PRPF8: variants seen among roughly 807,000 people sequenced by gnomAD.
PRPF8 encodes the protein pre-mRNA-processing-splicing factor 8.
In PRPF8, 64 loss-of-function variants were observed where a neutral mutation model predicts 285.9. That is an observed-to-expected ratio of 0.22 (90% CI 0.18 to 0.28). PRPF8 has a LOEUF of 0.28. PRPF8 is among the 10% of genes least tolerant of loss of function. The pLI, the probability that PRPF8 is intolerant of heterozygous loss-of-function variation, is 1.00. For synonymous variants in PRPF8, 1,325 were observed against 1,118.2 expected, an observed-to-expected ratio of 1.18 and a Z score of -3.69; for missense variants, 1,426 against 3,026.7, an observed-to-expected ratio of 0.47 and a Z score of 12.41.
chr17:1,659,645 T>A lies in PRPF8; in HGVS notation c.4947-97A>T, dbSNP rs1400111707. ...TAAATCCCAAAACCATCCCACCCAC[T>A]CCACCAACTTGTTCCAGGTCAGCAG... On this transcript the variant is annotated intron_variant, in intron 31 of 42. Transcript: ENST00000304992. This position sits in a 1 kb window ranked among gnomAD's most constrained non-coding sequence, Gnocchi z 5.1. 3.4e-6 allele frequency: 5 copies of A among 1,473,944 alleles called. No homozygotes were observed. Among genetic ancestry groups the A allele is most frequent in the Non-Finnish European group, 4.7e-6 (5 of 1,067,700 alleles). The allele number at this position is 1,473,944 out of a possible 1,614,324, so 91.3% of individuals were successfully genotyped here. A position where few individuals can be genotyped will look rare whatever the true frequency, so the allele number is the denominator to read the frequency against.
chr17:1,676,416 G>A lies in PRPF8; in HGVS notation c.2389-46C>T. 6.2e-7 allele frequency: 1 copy of A among 1,613,934 alleles called. No homozygotes were observed. Among genetic ancestry groups the A allele is most frequent in the Non-Finnish European group, 8.5e-7 (1 of 1,179,984 alleles). ...TAGCCTCCCGCTACAGCCCGATCCT[G>A]CCAGAACAAGGTTCAGTCACAACTC... On this transcript the variant is annotated intron_variant, in intron 16 of 42. Transcript: ENST00000304992. The surrounding 1 kb of genome is among the most constrained non-coding windows in gnomAD (Gnocchi z 6.3).
At chr17:1,668,876 C>A (rs950637041) in intron 24 of PRPF8, among the ~76,000 whole-genome samples, 1 of 152,270 alleles carries the variant, frequency 6.6e-6, no homozygotes. Context: ...CTCTCAGTTT[C>A]TTCAGCAATC....
chr17:1,664,657 A>C (rs1029524466), intron 24 of PRPF8, among the ~76,000 whole-genome samples: 1 of 151,406 alleles, frequency 6.6e-6, no homozygotes, highest in African/African-American at 2.4e-5. Flanking sequence ...TTAATTATTA[A>C]AAAAAAAATC....
chr17:1,655,477 G>A lies in PRPF8; in HGVS notation c.5860C>T (p.Leu1954=). The A allele has an allele frequency of 6.2e-7, 1 of 1,614,124 alleles. No individual in the cohort carries two copies. The highest frequency in any genetic ancestry group is 8.5e-7 in the Non-Finnish European group (1 of 1,180,004). Residue 1954 remains leucine (L), a synonymous_variant, in exon 37 of 43, where the codon CTG becomes TTG. Coordinates refer to ENST00000304992, the MANE Select transcript of PRPF8 (RefSeq NM_006445.4). ...HVNNDRAKVI[L]KPDKTTITEP... ...GTAATAGTAGTCTTGTCTGGCTTCA[G>A]GATCACTTTTGCCCGATCGTTGTTC...
Position 1,660,794 on chromosome 17 carries a change from C to T in PRPF8, c.4542G>A (p.Lys1514=), listed in dbSNP as rs749590650. ...GCTGAGCATTAGTTAGCTTCTTCCA[C>T]TTCATAGATTCCTCAAAGCCACTGG... ...EKASGFEESM[K]WKKLTNAQRS... Residue 1514 remains lysine (K), a synonymous_variant, in exon 29 of 43, where the codon AAG becomes AAA. Transcript: ENST00000304992. 2.5e-5 allele frequency: 41 copies of T among 1,613,904 alleles called. No homozygotes were observed. Among genetic ancestry groups the T allele is most frequent in the South Asian group, 5.5e-5 (5 of 91,088 alleles).
chr17:1,653,868 T>C lies in PRPF8; in HGVS notation c.6136A>G (p.Thr2046Ala). The C allele has an allele frequency of 6.2e-7, 1 of 1,614,162 alleles. No individual in the cohort carries two copies. Among genetic ancestry groups the C allele is most frequent in the Non-Finnish European group, 8.5e-7 (1 of 1,180,028 alleles). The stretch of plus-strand genomic sequence containing the variant: ...ATCTCATCGCCATGCTTGTTGACAG[T>C]GCGAGTCTGTGTTGCCGTCAGCTGC... ...QSQLTATQTRTVNKHGDEIIT... is the reference protein window; with the variant it reads ...QSQLTATQTRAVNKHGDEIIT... Residue 2046 changes from threonine to alanine, a missense_variant, in exon 38 of 43, where the codon ACT becomes GCT. Around this residue, in one of 34 missense-constraint regions of PRPF8, gnomAD observed 160 missense variants for 373.7 expected, o/e 0.43. Transcript: ENST00000304992. The surrounding 1 kb of genome is among the most constrained non-coding windows in gnomAD (Gnocchi z 4.9).
chr17:1,656,257 T>G, intron 36 of PRPF8, 135 bp downstream of exon 36: 1 of 1,173,346 alleles, frequency 8.5e-7, no homozygotes, highest in Non-Finnish European at 1.3e-6. Flanking sequence ...GGTCTTAAAC[T>G]CTCATGAAAG....
intron 24 of PRPF8, among the ~76,000 whole-genome samples, chr17:1,665,204 G>A (rs1283579891): frequency 1.3e-5 from 2 of 148,230 alleles, no homozygotes; most frequent in Non-Finnish European, 3.0e-5. Flanking sequence ...CTAAAGCAAT[G>A]CTGAGAGGAA....
Position 1,650,710 on chromosome 17 carries a change from G to A in PRPF8, c.*92C>T, listed in dbSNP as rs764356651. 129 of 1,467,204 alleles carry A rather than the reference G, an allele frequency of 8.8e-5. No individual in the cohort carries two copies. Among genetic ancestry groups the A allele is most frequent in the Non-Finnish European group, 1.1e-4 (120 of 1,048,916 alleles). 90.9% of individuals were successfully genotyped at this position (1,467,204 alleles called of 1,614,324 possible). A position where few individuals can be genotyped will look rare whatever the true frequency, so the allele number is the denominator to read the frequency against. ...GGTCAACAACACAAGCACAGACAGA[G>A]GGAAAGAGGCCAAACTGCTGAATGT... On this transcript the variant is annotated 3_prime_UTR_variant, in exon 43 of 43. Coordinates refer to ENST00000304992, the MANE Select transcript of PRPF8 (RefSeq NM_006445.4).
intron 14 of PRPF8, 171 bp from the exon 15 acceptor site, chr17:1,677,343 A>G: frequency 1.0e-6 from 1 of 961,590 alleles, no homozygotes; most frequent in South Asian, 1.4e-5. Context: ...ATTCACAACT[A>G]TGCTTCTGAG....
intron 35 of PRPF8, 29 bp downstream of exon 35, chr17:1,656,614 GTCTCT>G (rs1469631517): frequency 1.4e-5 from 22 of 1,613,788 alleles, no homozygotes; most frequent in Non-Finnish European, 1.8e-5. Flanking sequence ...AGGTCTCAAG[GTCTCT>G]TTTCTCCTAC....
chr17:1,672,353 CACAGCA>C (rs1912372005), intron 24 of PRPF8, among the ~76,000 whole-genome samples: 1 of 152,194 alleles, frequency 6.6e-6, no homozygotes, highest in Non-Finnish European at 1.5e-5. Context: ...GATCTCGACT[CACAGCA>C]ACGTCCGCCT....
chr17:1,658,210 G>A lies in PRPF8; in HGVS notation c.5505+43C>T, dbSNP rs755810347. The A allele has an allele frequency of 4.1e-5, 66 of 1,613,352 alleles. No individual in the cohort carries two copies. The Middle Eastern group carries it at 1.1e-3, about 26-fold the overall frequency. ...TACCAAGTCCACCCCAAGAATAAGAGGCAACATGGTTCTACAGCCTCTTCA... is the reference window on the plus strand; with the variant it reads ...TACCAAGTCCACCCCAAGAATAAGAAGCAACATGGTTCTACAGCCTCTTCA... On this transcript the variant is annotated intron_variant, in intron 34 of 42. Transcript: ENST00000304992. This position sits in a 1 kb window ranked among gnomAD's most constrained non-coding sequence, Gnocchi z 4.1.
At chr17:1,674,389 C>A in intron 21 of PRPF8, 53 bp downstream of exon 21, 1 of 1,568,286 alleles carries the variant, frequency 6.4e-7, no homozygotes, top group South Asian at 1.1e-5. Context: ...ATTTCAGAGG[C>A]AAAGCACATG....
Position 1,674,695 on chromosome 17 carries a change from C to G in PRPF8, c.3061-15G>C. ...TGGTTCATGTCCTAGAAAGAAAGAA[C>G]TACAATTCTTAAGAATGTGAGCCAT... On this transcript the variant is annotated splice_polypyrimidine_tract_variant and intron_variant, in intron 20 of 42. Transcript: ENST00000304992. The G allele has an allele frequency of 6.2e-7, 1 of 1,606,558 alleles. No individual in the cohort carries two copies. Among genetic ancestry groups the G allele is most frequent in the South Asian group, 1.1e-5 (1 of 90,908 alleles).
chr17:1,673,985 C>G lies in PRPF8; in HGVS notation c.3300-93G>C. 7.2e-7 allele frequency: 1 copy of G among 1,398,022 alleles called. No homozygotes were observed. The highest frequency in any genetic ancestry group is 1.0e-6 in the Non-Finnish European group (1 of 999,688). The allele number at this position is 1,398,022 out of a possible 1,614,324, so 86.6% of individuals were successfully genotyped here. A position where few individuals can be genotyped will look rare whatever the true frequency, so the allele number is the denominator to read the frequency against. ...AGCTCAATAGACGGAGACCCCACCC[C>G]ATCCTACCCCCACCCTCCCCGGGCT... On this transcript the variant is annotated intron_variant, in intron 21 of 42. Transcript: ENST00000304992. The surrounding 1 kb of genome is among the most constrained non-coding windows in gnomAD (Gnocchi z 5.5).
chr17:1,684,406 C>A (rs566019909), intron 2 of PRPF8, 66 bp downstream of exon 2: 10 of 1,555,774 alleles, frequency 6.4e-6, no homozygotes, highest in Middle Eastern at 1.7e-4. Flanking sequence ...AGGGTCCCCA[C>A]CCGCCTGCGC....
chr17:1,655,130 G>C (rs896426453), intron 37 of PRPF8: 3 of 556,190 alleles, frequency 5.4e-6, no homozygotes, highest in Non-Finnish European at 9.7e-6. Flanking sequence ...GCTAACTTTT[G>C]TATTTTTAGT....
intron 24 of PRPF8, among the ~76,000 whole-genome samples, chr17:1,665,645 C>T (rs547797402): frequency 1.3e-5 from 2 of 151,744 alleles, no homozygotes; most frequent in African/African-American, 4.8e-5. Context: ...AGTTCAAGAC[C>T]AGCCTGGCCA....
Sources: allele counts gnomAD v4.1 joint callset (sites outside exome capture counted in the v4.1 genomes callset), GRCh38; gene constraint gnomAD v4.1.1; regional missense constraint gnomAD v4.1.1; non-coding constraint Gnocchi (gnomAD v3.1); transcripts MANE v1.5; gene names NCBI Gene and HGNC (gene_info 2026-07-23, HGNC 2026-07-21).